Variants in SETBP1 observed in about 807,000 individuals in gnomAD.
SETBP1 encodes SET-binding protein.
A neutral mutation model predicts 101.0 loss-of-function variants in SETBP1; 9 were observed. The ratio of observed to expected loss-of-function variants is 0.09; its 90% confidence interval spans 0.05 to 0.16. SETBP1 has a LOEUF of 0.16. Ranked by LOEUF, SETBP1 falls within the 10% of genes least tolerant of loss-of-function variation. The pLI is 1.00. For synonymous variants in SETBP1, 818 were observed against 788.5 expected, an observed-to-expected ratio of 1.04 and a Z score of -0.63; for missense variants, 1,858 against 2,033.8, an observed-to-expected ratio of 0.91 and a Z score of 1.66.
At chr18:44,814,996 C>T (rs1463934578) in intron 2 of SETBP1, among the ~76,000 whole-genome samples, 8 of 152,128 alleles carry the variant, frequency 5.3e-5, no homozygotes, top group Non-Finnish European at 8.8e-5. Context: ...ATATCATAAG[C>T]ATATTGTTGG....
chr18:44,947,492 CTTTTT>C (rs58509226), intron 3 of SETBP1, among the ~76,000 whole-genome samples: 3 of 114,210 alleles, frequency 2.6e-5, no homozygotes, highest in Admixed American at 9.5e-5. Flanking sequence ...GTTTGTCCCA[CTTTTT>C]TTTTTTTTTT....
At chr18:44,869,328 A>T in intron 3 of SETBP1, 45 bp downstream of exon 3, 1 of 1,582,632 alleles carries the variant, frequency 6.3e-7, no homozygotes, top group Non-Finnish European at 8.7e-7. Flanking sequence ...GAGTAAAATG[A>T]TCCAGAGTTT....
intron 2 of SETBP1, among the ~76,000 whole-genome samples, chr18:44,722,885 C>A (rs1435002306): frequency 6.6e-6 from 1 of 152,188 alleles, no homozygotes; most frequent in Non-Finnish European, 1.5e-5. Flanking sequence ...TTCTTTTCAT[C>A]ATCACAATAT....
At chr18:44,911,376 C>T (rs2070305271) in intron 3 of SETBP1, among the ~76,000 whole-genome samples, 1 of 152,120 alleles carries the variant, frequency 6.6e-6, no homozygotes. Flanking sequence ...TTTGCACCAA[C>T]CTATAATTGA....
chr18:44,737,036 A>G (rs1258492043), intron 2 of SETBP1, among the ~76,000 whole-genome samples: 1 of 152,178 alleles, frequency 6.6e-6, no homozygotes, highest in South Asian at 2.1e-4. Context: ...CACTTGGTAC[A>G]TCTTTGTAAA....
intron 2 of SETBP1, among the ~76,000 whole-genome samples, chr18:44,825,196 G>A (rs765541382): frequency 2.0e-5 from 3 of 152,188 alleles, no homozygotes; most frequent in African/African-American, 7.2e-5. Context: ...GGGAATTTCA[G>A]AGGTTTACAA....
chr18:44,964,794 C>G (rs532543506), intron 4 of SETBP1, among the ~76,000 whole-genome samples: 18 of 152,112 alleles, frequency 1.2e-4, no homozygotes, highest in African/African-American at 4.1e-4. Context: ...CATGCTCCCC[C>G]CAGGCCACAC....
intron 4 of SETBP1, among the ~76,000 whole-genome samples, chr18:45,026,094 C>A (rs2073159497): frequency 6.6e-6 from 1 of 152,146 alleles, no homozygotes; most frequent in African/African-American, 2.4e-5. Flanking sequence ...GAAGACACTA[C>A]AAAAGATGCT....
At chr18:44,764,478 C>CT (rs2070726034) in intron 2 of SETBP1, among the ~76,000 whole-genome samples, 1 of 151,498 alleles carries the variant, frequency 6.6e-6, no homozygotes, top group African/African-American at 2.4e-5. Context: ...CTTCTTCTTT[C>CT]TTCTTCTTCT....
chr18:44,862,972 A>G (rs2069048445), intron 2 of SETBP1, among the ~76,000 whole-genome samples: 2 of 152,216 alleles, frequency 1.3e-5, no homozygotes, highest in African/African-American at 4.8e-5. Flanking sequence ...CAGAACCAGG[A>G]CTATGACAGA....
chr18:44,701,267 G>C lies in SETBP1; in HGVS notation c.-80G>C. 3 of 1,429,782 alleles carry C rather than the reference G, an allele frequency of 2.1e-6. No homozygotes were observed. 88.6% of individuals were successfully genotyped at this position (1,429,782 alleles called of 1,614,324 possible). ...GGACCACTTTGTTCTTGGAATTTTG[G>C]GTGTCCTCTTTTCTCACCTTTCCCT... On this transcript the variant is annotated 5_prime_UTR_variant, in exon 2 of 6. Transcript: ENST00000649279.
At position 44,952,336 on chromosome 18, in the gene SETBP1, T is replaced by A; in HGVS notation, c.2996T>A (p.Ile999Asn). 6.2e-7 allele frequency: 1 copy of A among 1,614,064 alleles called. No homozygotes were observed. Among genetic ancestry groups the A allele is most frequent in the Non-Finnish European group, 8.5e-7 (1 of 1,180,032 alleles). ...NFDHYYPVPY[I>N]QYDPLLYLRR... ...GATCACTATTACCCGGTGCCATATA[T>A]CCAGTATGACCCGTTGCTCTATCTT... is the stretch of plus-strand genomic sequence containing the variant. The change falls in exon 4 of 6, where the codon ATC becomes AAC. Residue 999 changes from isoleucine to asparagine, a missense_variant. Physicochemically the swap from Ile to Asn is moderately radical, Grantham distance 149. Transcript: ENST00000649279.
At chr18:44,993,212 G>A (rs893959239) in intron 4 of SETBP1, among the ~76,000 whole-genome samples, 6 of 151,988 alleles carry the variant, frequency 3.9e-5, no homozygotes, top group African/African-American at 1.4e-4. Flanking sequence ...ACCTAACAAT[G>A]AGACATTAAA....
chr18:44,759,489 C>T (rs751623180), intron 2 of SETBP1, among the ~76,000 whole-genome samples: 10 of 152,112 alleles, frequency 6.6e-5, no homozygotes, highest in Non-Finnish European at 1.5e-4. Context: ...CCTCTTTTGG[C>T]CTTTGAGCTG....
intron 4 of SETBP1, among the ~76,000 whole-genome samples, chr18:45,012,171 GT>G (rs922904155): frequency 2.0e-5 from 3 of 152,162 alleles, no homozygotes; most frequent in Non-Finnish European, 4.4e-5. Flanking sequence ...TGAAGGAAGA[GT>G]TTTTTATACT....
chr18:45,057,235 A>C (rs1373341448), intron 5 of SETBP1, among the ~76,000 whole-genome samples: 1 of 152,132 alleles, frequency 6.6e-6, no homozygotes, highest in Non-Finnish European at 1.5e-5. Context: ...CCAGGACTGT[A>C]GAAGGTTAAT....
At chr18:45,053,162 C>CT (rs1040713314) in intron 5 of SETBP1, among the ~76,000 whole-genome samples, 1 of 151,982 alleles carries the variant, frequency 6.6e-6, no homozygotes, top group African/African-American at 2.4e-5. Context: ...AAAAATGTAG[C>CT]TTTTTTTAAT....
chr18:44,913,239 G>T (rs1212540488), intron 3 of SETBP1, among the ~76,000 whole-genome samples: 1 of 152,252 alleles, frequency 6.6e-6, no homozygotes, highest in Non-Finnish European at 1.5e-5. Flanking sequence ...TCTCGGGCAA[G>T]ACAGAAGTTG....
At chr18:44,925,481 C>T (rs1295525436) in intron 3 of SETBP1, among the ~76,000 whole-genome samples, 2 of 152,166 alleles carry the variant, frequency 1.3e-5, no homozygotes, top group Non-Finnish European at 2.9e-5. Context: ...TAGAAGTTTA[C>T]TGCCAGAATG....
Sources: gnomAD v4.1 joint callset for allele counts (sites outside exome capture counted in the v4.1 genomes callset) on GRCh38, gnomAD v4.1.1 for gene constraint, MANE v1.5 for transcripts, NCBI Gene and HGNC (gene_info 2026-07-23, HGNC 2026-07-21) for gene names.